The following ATRNL1 variants were observed in gnomAD, a reference collection of about 807,000 sequenced individuals.
ATRNL1 encodes the protein attractin like 1, also known as attractin-like protein 1.
ATRNL1 carries 95 observed loss-of-function variants against 182.7 expected under a neutral mutation model. That is an observed-to-expected ratio of 0.52 (90% CI 0.44 to 0.62). The LOEUF (loss-of-function observed/expected upper bound fraction) is 0.62, where lower values mean the gene tolerates loss of function less well. ATRNL1 is among the 20% of genes least tolerant of loss of function. The probability of loss-of-function intolerance (pLI) is 0.00; values close to 1 mark genes in which losing one functional copy is unlikely to be tolerated. For missense variants in ATRNL1, 1,471 were observed against 1,679.5 expected, an observed-to-expected ratio of 0.88 and a Z score of 2.17; for synonymous variants, 576 against 568.3, an observed-to-expected ratio of 1.01 and a Z score of -0.19.
chr10:115,149,666 C>T (rs1167042896), intron 5 of ATRNL1, among the ~76,000 whole-genome samples: 1 of 152,034 alleles, frequency 6.6e-6, no homozygotes, highest in Non-Finnish European at 1.5e-5. Context: ...ATTGAGCCAT[C>T]CTTGCATCCC....
At chr10:115,272,366 G>A (rs574003954) in intron 13 of ATRNL1, among the ~76,000 whole-genome samples, 1 of 152,254 alleles carries the variant, frequency 6.6e-6, no homozygotes, top group South Asian at 2.1e-4. Flanking sequence ...ACTAGAAGCA[G>A]TCACCCCAAT....
At chr10:115,729,404 C>CT (rs1418511763) in intron 27 of ATRNL1, among the ~76,000 whole-genome samples, 1 of 151,320 alleles carries the variant, frequency 6.6e-6, no homozygotes, top group Non-Finnish European at 1.5e-5. Flanking sequence ...AAACTGTTAG[C>CT]TTTTTTATTT....
chr10:115,180,073 C>G lies in ATRNL1; in HGVS notation c.1348+8781C>G, dbSNP rs539786676. Among the ~76,000 whole-genome samples, 9 of 152,038 alleles carry G rather than the reference C, an allele frequency of 5.9e-5. No homozygotes were observed. In the South Asian group the frequency reaches 1.5e-3, roughly 25 times the overall value. On this transcript the variant is annotated intron_variant, in intron 8 of 28. Transcript: ENST00000355044. ...CAATGTAGAAGTAATCATTGTCTTA[C>G]TAGCAAAATACCTCCAAAGTGTATT...
chr10:115,711,288 T>C (rs782411253), intron 26 of ATRNL1, among the ~76,000 whole-genome samples: 1 of 152,074 alleles, frequency 6.6e-6, no homozygotes, highest in Non-Finnish European at 1.5e-5. Context: ...CTCCTGTGGG[T>C]AGGCTTCCCA....
In ATRNL1 at chr10:115,694,172, GCACACACACA is replaced by G. The variant is rs71010040; in HGVS notation, c.3796-33054_3796-33045del. Reference sequence around the variant, plus strand: ...TTCTACTCCCACAGTCTACACAGACGCACACACACACACACACACACACACACACACTTCC... The same window carrying G: ...TTCTACTCCCACAGTCTACACAGACGCACACACACACACACACACACTTCC... On this transcript the variant is annotated intron_variant, in intron 26 of 28. Transcript: ENST00000355044. 1.2e-3 allele frequency among the ~76,000 whole-genome samples: 170 copies of G among 146,932 alleles called. 8 individuals are homozygous for G. The East Asian group carries it at 0.031, about 27-fold the overall frequency.
chr10:115,279,332 C>T (rs1554915999), intron 13 of ATRNL1, among the ~76,000 whole-genome samples: 1 of 151,990 alleles, frequency 6.6e-6, no homozygotes, highest in East Asian at 1.9e-4. Context: ...TAGGTGCTTC[C>T]ATGAATCAAA....
intron 17 of ATRNL1, among the ~76,000 whole-genome samples, chr10:115,305,248 C>T (rs1482597363): frequency 2.0e-5 from 3 of 152,122 alleles, no homozygotes; most frequent in East Asian, 1.9e-4. Flanking sequence ...TGTATTTGGT[C>T]CATAGTGGGC....
chr10:115,547,376 G>T (rs1456388660), intron 25 of ATRNL1, among the ~76,000 whole-genome samples: 1 of 151,858 alleles, frequency 6.6e-6, no homozygotes, highest in African/African-American at 2.4e-5. Context: ...TTAATTAGGT[G>T]CTGGATCACT....
intron 25 of ATRNL1, among the ~76,000 whole-genome samples, chr10:115,544,081 A>G (rs1292531608): frequency 6.6e-6 from 1 of 152,148 alleles, no homozygotes; most frequent in Admixed American, 6.5e-5. Context: ...ATAATGTGAT[A>G]GGAAAAGAAG....
intron 20 of ATRNL1, among the ~76,000 whole-genome samples, chr10:115,398,691 T>C (rs994769573): frequency 2.0e-5 from 3 of 152,000 alleles, no homozygotes; most frequent in African/African-American, 7.2e-5. Context: ...TTTAGATGCC[T>C]TTGTTTATTT....
chr10:115,830,076 C>G (rs1227116266), intron 27 of ATRNL1, among the ~76,000 whole-genome samples: 1 of 152,240 alleles, frequency 6.6e-6, no homozygotes, highest in Non-Finnish European at 1.5e-5. Context: ...TGCCCTAATA[C>G]TGCCAAAGTC....
At chr10:115,131,627 G>A (rs533600793) in intron 5 of ATRNL1, among the ~76,000 whole-genome samples, 25 of 152,280 alleles carry the variant, frequency 1.6e-4, no homozygotes, top group African/African-American at 5.8e-4. Flanking sequence ...AGGACAAATG[G>A]GGAATGATCA....
chr10:115,420,377 AT>A (rs782091659), intron 20 of ATRNL1, among the ~76,000 whole-genome samples: 3 of 151,752 alleles, frequency 2.0e-5, no homozygotes, highest in Non-Finnish European at 2.9e-5. Context: ...CATATCAAGT[AT>A]TTTTTTTCTG....
intron 19 of ATRNL1, among the ~76,000 whole-genome samples, chr10:115,357,307 A>G (rs1217485389): frequency 6.6e-6 from 1 of 151,948 alleles, no homozygotes; most frequent in Non-Finnish European, 1.5e-5. Context: ...AGGTTAACCT[A>G]AGAAACTTTA....
At chr10:115,815,841 C>G (rs1329337860) in intron 27 of ATRNL1, among the ~76,000 whole-genome samples, 1 of 152,096 alleles carries the variant, frequency 6.6e-6, no homozygotes, top group Non-Finnish European at 1.5e-5. Flanking sequence ...ATTTTATCTT[C>G]TCAGTGATTT....
chr10:115,828,479 ACT>A (rs782606604), intron 27 of ATRNL1, among the ~76,000 whole-genome samples: 16 of 152,144 alleles, frequency 1.1e-4, no homozygotes, highest in Non-Finnish European at 2.1e-4. Flanking sequence ...CAGTTATTTT[ACT>A]CTAAAGGATA....
intron 19 of ATRNL1, among the ~76,000 whole-genome samples, chr10:115,374,640 G>C (rs1310240333): frequency 6.6e-6 from 1 of 151,008 alleles, no homozygotes; most frequent in Non-Finnish European, 1.5e-5. Context: ...TTTCCTATTA[G>C]TATTGTTTTG....
At chr10:115,485,011 A>G (rs1168933880) in intron 24 of ATRNL1, among the ~76,000 whole-genome samples, 2 of 151,988 alleles carry the variant, frequency 1.3e-5, no homozygotes, top group Non-Finnish European at 2.9e-5. Flanking sequence ...TTAATGAGCC[A>G]TCACTTGATC....
At chr10:115,648,175 G>A (rs898757650) in intron 26 of ATRNL1, among the ~76,000 whole-genome samples, 4 of 152,126 alleles carry the variant, frequency 2.6e-5, no homozygotes, top group African/African-American at 2.4e-5. Flanking sequence ...CAGACAGAGA[G>A]CCAAATCGTG....
Sources: allele counts gnomAD v4.1 joint callset (sites outside exome capture counted in the v4.1 genomes callset), GRCh38; gene constraint gnomAD v4.1.1; transcripts MANE v1.5; gene names NCBI Gene and HGNC (gene_info 2026-07-23, HGNC 2026-07-21).